Variants in PYM1 observed in about 807,000 individuals in gnomAD.
PYM1 encodes partner of Y14 and mago.
Under a neutral mutation model 20.7 loss-of-function variants are expected in PYM1, and 7 were observed. The ratio of observed to expected loss-of-function variants is 0.34; its 90% CI spans 0.19 to 0.64. The LOEUF (loss-of-function observed/expected upper bound fraction) is 0.64, where lower values mean the gene tolerates loss of function less well. Among genes scored for constraint, PYM1 ranks in the 30% least tolerant of loss-of-function variants. The pLI is 0.74. For missense variants in PYM1, 194 were observed against 250.0 expected (o/e 0.78, Z 1.51); for synonymous variants, 100 against 99.2 (o/e 1.01, Z -0.05).
intron 1 of PYM1, among the ~76,000 whole-genome samples, chr12:55,916,020 A>G (rs1357613232): frequency 6.6e-6 from 1 of 152,246 alleles, no homozygotes; most frequent in Non-Finnish European, 1.5e-5. Context: ...ACAGCCAAGG[A>G]AACAGTCTTC....
chr12:55,903,208 T>C (rs1323472600), intron 2 of PYM1, among the ~76,000 whole-genome samples, 179 bp downstream of exon 2: 3 of 152,156 alleles, frequency 2.0e-5, no homozygotes, highest in Non-Finnish European at 4.4e-5. Context: ...GGACTAGTGA[T>C]CTGTAACCCT....
chr12:55,901,685 T>A lies in PYM1; in HGVS notation c.*187A>T, dbSNP rs1028272682. The A allele has an allele frequency of 2.9e-5, 24 of 834,724 alleles. No homozygotes were observed. Among genetic ancestry groups the A allele is most frequent in the Non-Finnish European group, 4.1e-5 (23 of 556,976 alleles). 51.7% of individuals were successfully genotyped at this position (834,724 alleles called of 1,614,324 possible). A position where few individuals can be genotyped will look rare whatever the true frequency, so the allele number is the denominator to read the frequency against. On this transcript the variant is annotated 3_prime_UTR_variant, in exon 3 of 3. Transcript: ENST00000408946. ...AATGGGAGGGGGAAAGTCCAAAAAG[T>A]AGAAGTTGGGAAGAAAAGGGAAGGA...
intron 1 of PYM1, among the ~76,000 whole-genome samples, chr12:55,918,107 C>CT (rs1883039116): frequency 2.8e-5 from 3 of 106,322 alleles, no homozygotes; most frequent in South Asian, 3.2e-4. Flanking sequence ...TTTTTTTTTT[C>CT]TTTTTTTTGA....
At chr12:55,911,788 CCGAGA>C (rs1297631227) in intron 1 of PYM1, among the ~76,000 whole-genome samples, 5 of 151,904 alleles carry the variant, frequency 3.3e-5, no homozygotes, top group African/African-American at 1.2e-4. Flanking sequence ...TTGCAATGAG[CCGAGA>C]CTGCGCCACT....
intron 1 of PYM1, among the ~76,000 whole-genome samples, chr12:55,925,562 T>C (rs1883173839): frequency 6.6e-6 from 1 of 152,182 alleles, no homozygotes; most frequent in African/African-American, 2.4e-5. Context: ...AAAAATATGA[T>C]GCAATAGGTC....
rs555424898 is a variant in PYM1 at position 55,904,882 on chromosome 12, G to A, written c.38-1402C>T. ...GACTAGTGTTCAAGATACACTAAGT[G>A]AAAAAGCAAGCTGCAGGATAACATG... On this transcript the variant is annotated intron_variant, in intron 1 of 2. Coordinates refer to ENST00000408946, the MANE Select transcript of PYM1 (RefSeq NM_032345.3). Among the ~76,000 whole-genome samples the A allele has an allele frequency of 4.6e-5, 7 of 151,900 alleles. No homozygotes were observed. In the South Asian group the frequency reaches 8.3e-4, roughly 18 times the overall value.
chr12:55,904,361 A>AG (rs1470775166), intron 1 of PYM1, among the ~76,000 whole-genome samples: 3 of 150,280 alleles, frequency 2.0e-5, no homozygotes, highest in Non-Finnish European at 4.4e-5. Context: ...TGGGAGGCCG[A>AG]GGGGGTTGAA....
chr12:55,911,771 G>C (rs905697067), intron 1 of PYM1, among the ~76,000 whole-genome samples: 1 of 151,950 alleles, frequency 6.6e-6, no homozygotes, highest in African/African-American at 2.4e-5. Context: ...ATCCCAGGAG[G>C]GGGAGGTTGC....
chr12:55,903,343 A>G (rs1255187768), intron 2 of PYM1, 44 bp downstream of exon 2: 9 of 1,553,062 alleles, frequency 5.8e-6, no homozygotes, highest in Admixed American at 1.7e-5. Context: ...ATCCTTCTGT[A>G]GGGACCCCAT....
intron 1 of PYM1, among the ~76,000 whole-genome samples, chr12:55,911,251 G>A (rs1882917503): frequency 6.6e-6 from 1 of 152,054 alleles, no homozygotes; most frequent in Non-Finnish European, 1.5e-5. Context: ...TGGGATTACA[G>A]ATGTGTGCCA....
chr12:55,903,023 T>G (rs1213273759), intron 2 of PYM1, among the ~76,000 whole-genome samples: 7 of 152,144 alleles, frequency 4.6e-5, no homozygotes, highest in Admixed American at 4.6e-4. Flanking sequence ...CCTCAAGTAA[T>G]CCACCTGCCT....
At chr12:55,923,237 A>G (rs1037203810) in intron 1 of PYM1, among the ~76,000 whole-genome samples, 5 of 151,952 alleles carry the variant, frequency 3.3e-5, no homozygotes, top group African/African-American at 7.3e-5. Flanking sequence ...AAAAATAGTA[A>G]TAAATAAATA....
intron 1 of PYM1, among the ~76,000 whole-genome samples, chr12:55,912,301 G>A (rs937192330): frequency 8.6e-5 from 13 of 152,036 alleles, no homozygotes; most frequent in African/African-American, 2.7e-4. Flanking sequence ...GCAGTGAACC[G>A]AGATCACGCC....
chr12:55,926,586 A>G (rs1883190975), intron 1 of PYM1, among the ~76,000 whole-genome samples: 1 of 152,228 alleles, frequency 6.6e-6, no homozygotes, highest in African/African-American at 2.4e-5. Flanking sequence ...GACCCAACAA[A>G]TGAAGATACG....
chr12:55,905,857 T>TTAGATATATATATATCTAA (rs1882792286), intron 1 of PYM1, among the ~76,000 whole-genome samples: 1 of 46,378 alleles, frequency 2.2e-5, no homozygotes, highest in African/African-American at 7.3e-5. Flanking sequence ...ATATTATATA[T>TTAGATATATATATATCTAA]TAGATATATA....
chr12:55,905,947 T>A (rs535779778), intron 1 of PYM1, among the ~76,000 whole-genome samples: 13 of 126,170 alleles, frequency 1.0e-4, no homozygotes, highest in South Asian at 2.2e-4. Flanking sequence ...GATATATATA[T>A]TATTATATAT....
chr12:55,923,066 A>C (rs910748013), intron 1 of PYM1, among the ~76,000 whole-genome samples: 5 of 152,118 alleles, frequency 3.3e-5, no homozygotes, highest in African/African-American at 1.2e-4. Flanking sequence ...CTCTACTAAA[A>C]ATACAAAATT....
At chr12:55,918,732 G>C (rs1883049943) in intron 1 of PYM1, among the ~76,000 whole-genome samples, 1 of 152,152 alleles carries the variant, frequency 6.6e-6, no homozygotes, top group Non-Finnish European at 1.5e-5. Context: ...GCTGGGCGTG[G>C]TGGCACGTGC....
intron 1 of PYM1, chr12:55,927,151 C>T: frequency 2.6e-6 from 4 of 1,550,486 alleles, no homozygotes; most frequent in Non-Finnish European, 3.5e-6. Flanking sequence ...GGGCTGGGGT[C>T]CCGCCCCCCT....
Sources: allele counts gnomAD v4.1 joint callset (sites outside exome capture counted in the v4.1 genomes callset), GRCh38; gene constraint gnomAD v4.1.1; transcripts MANE v1.5; gene names NCBI Gene and HGNC (gene_info 2026-07-23, HGNC 2026-07-21).